The following TANC1 variants were observed in gnomAD, a reference collection of about 807,000 sequenced individuals.
TANC1 encodes tetratricopeptide repeat, ankyrin repeat and coiled-coil containing 1.
A neutral mutation model predicts 149.7 loss-of-function variants in TANC1; 77 were observed. The ratio of observed to expected loss-of-function variants is 0.51; its 90% CI spans 0.43 to 0.62. The LOEUF is 0.62. Among genes scored for constraint, TANC1 ranks in the 20% least tolerant of loss-of-function variants. The pLI is 0.00. For missense variants in TANC1, 1,985 were observed against 2,321.8 expected (o/e 0.85, Z 2.98); for synonymous variants, 854 against 925.0 (o/e 0.92, Z 1.39).
At chr2:159,100,792 T>C (rs1224596702) in intron 4 of TANC1, among the ~76,000 whole-genome samples, 1 of 152,208 alleles carries the variant, frequency 6.6e-6, no homozygotes, top group Admixed American at 6.5e-5. Flanking sequence ...TTTTTTTCAG[T>C]GTCTAACACA....
intron 22 of TANC1, among the ~76,000 whole-genome samples, chr2:159,221,991 T>TG (rs1254546398): frequency 6.6e-6 from 1 of 152,218 alleles, no homozygotes; most frequent in Non-Finnish European, 1.5e-5. Context: ...GAGAGACAGA[T>TG]GCTTGCAAAC....
intron 3 of TANC1, among the ~76,000 whole-genome samples, chr2:159,074,593 T>C (rs1435509269): frequency 6.6e-6 from 1 of 152,198 alleles, no homozygotes; most frequent in African/African-American, 2.4e-5. Flanking sequence ...ATTGTTTCTT[T>C]GTGAGGGCTT....
At chr2:159,158,526 T>G (rs2053671029) in intron 7 of TANC1, among the ~76,000 whole-genome samples, 1 of 152,218 alleles carries the variant, frequency 6.6e-6, no homozygotes, top group Non-Finnish European at 1.5e-5. Context: ...AATATTCATC[T>G]TAGCCACTGT....
chr2:159,168,791 G>A lies in TANC1; in HGVS notation c.947-459G>A, dbSNP rs373626823. On this transcript the variant is annotated intron_variant, in intron 8 of 26. Coordinates refer to ENST00000263635, the MANE Select transcript of TANC1 (RefSeq NM_033394.3). ...TATTACTACTGAGCCAACTTTTAGT[G>A]TTCTCGGTGCTGTGGAATTGTACAC... Among the ~76,000 whole-genome samples, 111 of 152,222 alleles carry A rather than the reference G, an allele frequency of 7.3e-4. 1 individual carries two copies. The South Asian group carries it at 0.015, about 21-fold the overall frequency.
At chr2:159,029,441 T>G (rs1041205286) in intron 2 of TANC1, among the ~76,000 whole-genome samples, 1 of 152,214 alleles carries the variant, frequency 6.6e-6, no homozygotes, top group Non-Finnish European at 1.5e-5. Flanking sequence ...TTCCATGTAA[T>G]GCATGGCATA....
At chr2:159,136,426 C>A in intron 5 of TANC1, 128 bp downstream of exon 5, 1 of 626,246 alleles carries the variant, frequency 1.6e-6, no homozygotes, top group East Asian at 2.8e-5. Context: ...GGTATTTTCC[C>A]CTCCAGCAGT....
Position 159,165,803 on chromosome 2 carries a change from G to T in TANC1, c.946+2257G>T, listed in dbSNP as rs148916764. Among the ~76,000 whole-genome samples, 54 of 152,360 alleles carry T rather than the reference G, an allele frequency of 3.5e-4. No homozygotes were observed. The East Asian group carries it at 7.7e-3, about 22-fold the overall frequency. On this transcript the variant is annotated intron_variant, in intron 8 of 26. Coordinates refer to ENST00000263635, the MANE Select transcript of TANC1 (RefSeq NM_033394.3). ...AAGGTGTTTTGGCATATGAGGATTGGCAGGTAAAGGAAGGGTGATGCCAGA... is the reference window on the plus strand; with the variant it reads ...AAGGTGTTTTGGCATATGAGGATTGTCAGGTAAAGGAAGGGTGATGCCAGA...
chr2:159,085,556 G>A (rs894343729), intron 3 of TANC1, among the ~76,000 whole-genome samples: 1 of 152,150 alleles, frequency 6.6e-6, no homozygotes, highest in African/African-American at 2.4e-5. Context: ...TATAAAGAAA[G>A]GGGGGTTATT....
At position 159,025,140 on chromosome 2, in the gene TANC1, TTTTC is replaced by T. The variant is rs776727828; in HGVS notation, c.-16+23961_-16+23964del. ...TAGTTAACTTCCTTTCTTGCTTTCT[TTTTC>T]TTTCTTTCTCTTTCTCTTTTTCTTT... On this transcript the variant is annotated intron_variant, in intron 2 of 26. Coordinates refer to ENST00000263635, the MANE Select transcript of TANC1 (RefSeq NM_033394.3). Among the ~76,000 whole-genome samples, 457 of 151,794 alleles carry T rather than the reference TTTTC, an allele frequency of 3.0e-3. 1 individual carries two copies. The highest frequency in any genetic ancestry group is 0.01 in the African/African-American group (418 of 41,362).
intron 3 of TANC1, 98 bp downstream of exon 3, chr2:159,066,069 G>C: frequency 3.2e-6 from 3 of 925,096 alleles, no homozygotes; most frequent in Middle Eastern, 5.5e-4. Flanking sequence ...GAGTGGGTCA[G>C]AGAGGGTTAC....
chr2:159,180,878 G>A (rs2056400196), intron 14 of TANC1, among the ~76,000 whole-genome samples: 1 of 152,144 alleles, frequency 6.6e-6, no homozygotes, highest in African/African-American at 2.4e-5. Flanking sequence ...GAGGTGATAT[G>A]CGAGAGGGAG....
intron 5 of TANC1, chr2:159,147,669 G>A (rs2052295215): frequency 6.6e-6 from 1 of 152,306 alleles, no homozygotes; most frequent in African/African-American, 2.4e-5. Context: ...GGCTCACATG[G>A]TCCAGAAGCA....
intron 2 of TANC1, among the ~76,000 whole-genome samples, chr2:159,014,628 G>A (rs1366602296): frequency 3.3e-5 from 5 of 152,160 alleles, no homozygotes; most frequent in Non-Finnish European, 7.4e-5. Flanking sequence ...CTGAGACAAG[G>A]CAAGTCCCTT....
At chr2:159,170,999 G>A (rs763670944) in intron 10 of TANC1, among the ~76,000 whole-genome samples, 194 bp downstream of exon 10, 6 of 152,196 alleles carry the variant, frequency 3.9e-5, no homozygotes, top group Non-Finnish European at 1.5e-5. Context: ...AAGCTGGGGC[G>A]AGGCCAGTGT....
At chr2:159,208,590 G>A (rs894252545) in intron 19 of TANC1, among the ~76,000 whole-genome samples, 2 of 152,118 alleles carry the variant, frequency 1.3e-5, no homozygotes, top group African/African-American at 4.8e-5. Context: ...CATGTCTGTC[G>A]GCAGAGGGAG....
intron 7 of TANC1, among the ~76,000 whole-genome samples, chr2:159,158,801 A>G (rs1049197289): frequency 6.6e-6 from 1 of 152,248 alleles, no homozygotes; most frequent in Non-Finnish European, 1.5e-5. Context: ...GTTTATAAAG[A>G]CAAAAATGTC....
intron 1 of TANC1, among the ~76,000 whole-genome samples, chr2:158,970,279 G>C (rs1162816440): frequency 6.6e-6 from 1 of 152,026 alleles, no homozygotes. Flanking sequence ...TTCCTTCCTT[G>C]GTCATCTTTA....
At chr2:159,008,267 A>G (rs574014231) in intron 2 of TANC1, among the ~76,000 whole-genome samples, 1 of 152,352 alleles carries the variant, frequency 6.6e-6, no homozygotes, top group South Asian at 2.1e-4. Flanking sequence ...CCAGGTCATT[A>G]CTTGCAAATT....
intron 3 of TANC1, among the ~76,000 whole-genome samples, chr2:159,076,767 C>CAGTT (rs1402238508): frequency 6.6e-6 from 1 of 152,120 alleles, no homozygotes; most frequent in African/African-American, 2.4e-5. Flanking sequence ...TGAGCAACTA[C>CAGTT]CCAAAGTCGT....
Sources: gnomAD v4.1 joint callset for allele counts (sites outside exome capture counted in the v4.1 genomes callset) on GRCh38, gnomAD v4.1.1 for gene constraint, MANE v1.5 for transcripts, NCBI Gene and HGNC (gene_info 2026-07-23, HGNC 2026-07-21) for gene names.